The following TMEM144 variants were observed in gnomAD, a reference collection of about 807,000 sequenced individuals.
The protein encoded by TMEM144 is transmembrane protein 144.
Under a neutral mutation model 43.6 loss-of-function variants are expected in TMEM144, and 39 were observed. The ratio of observed to expected loss-of-function variants is 0.90; its 90% CI spans 0.69 to 1.17. TMEM144 has a LOEUF of 1.17. TMEM144 is among the 50% of genes most tolerant of loss of function. The probability of loss-of-function intolerance (pLI) is 0.00; values close to 1 mark genes in which losing one functional copy is unlikely to be tolerated. For missense variants in TMEM144, 417 were observed against 411.9 expected, an observed-to-expected ratio of 1.01 and a Z score of -0.11; for synonymous variants, 154 against 133.6, an observed-to-expected ratio of 1.15 and a Z score of -1.06.
At position 158,232,912 on chromosome 4, in the gene TMEM144, T is replaced by C; in HGVS notation, c.425T>C (p.Phe142Ser). The C allele has an allele frequency of 1.2e-6, 2 of 1,609,562 alleles. No individual in the cohort carries two copies. The highest frequency in any genetic ancestry group is 1.7e-6 in the Non-Finnish European group (2 of 1,177,796). ...TATTTTCCTTACAGTGCTTTCATAT[T>C]TTTGTTCATCAAAAGTGAAATACCA... ...AGLSVVSAFI[F>S]LFIKSEIPNN... Residue 142 changes from phenylalanine (F) to serine (S), a missense_variant, in exon 7 of 13, where the codon TTT becomes TCT. By Grantham distance (155) the Phe-to-Ser change is radical (BLOSUM62 -2). Coordinates refer to ENST00000296529, the MANE Select transcript of TMEM144 (RefSeq NM_018342.5).
chr4:158,230,260 G>A (rs1490283105), intron 6 of TMEM144, among the ~76,000 whole-genome samples: 2 of 151,916 alleles, frequency 1.3e-5, no homozygotes, highest in Non-Finnish European at 2.9e-5. Flanking sequence ...CTCTCAGGTG[G>A]GCCACTAGAC....
At chr4:158,223,357 G>C (rs532524443) in intron 6 of TMEM144, among the ~76,000 whole-genome samples, 164 of 152,334 alleles carry the variant, frequency 1.1e-3, no homozygotes, top group Non-Finnish European at 2.1e-3. Context: ...GTCTCAGGGA[G>C]TGATTTGTTG....
rs775512924 is a variant in TMEM144, at chr4:158,219,298, CT to C, written c.333-11del. ...ACAATATTTAATTTGATGTGACTTT[CT>C]GGATTTTCAGGTTTGGCTGGTTTGG... On this transcript the variant is annotated splice_polypyrimidine_tract_variant and intron_variant, in intron 5 of 12. Transcript: ENST00000296529. 26 of 1,613,552 alleles carry C rather than the reference CT, an allele frequency of 1.6e-5. No homozygotes were observed. The East Asian group carries it at 5.8e-4, about 36-fold the overall frequency.
At chr4:158,235,742 G>A in intron 8 of TMEM144, 1 of 373,524 alleles carries the variant, frequency 2.7e-6, no homozygotes, top group Non-Finnish European at 4.8e-6. Flanking sequence ...CAAATGATAA[G>A]TAGATAATAA....
chr4:158,233,892 A>G (rs1735208838), intron 7 of TMEM144: 1 of 152,272 alleles, frequency 6.6e-6, no homozygotes, highest in South Asian at 2.1e-4. Flanking sequence ...AATCAGGGAA[A>G]TGTTTCAGGG....
At position 158,212,715 on chromosome 4, in the gene TMEM144, T is replaced by G. The variant is rs1734018914; in HGVS notation, c.48T>G (p.Phe16Leu). 1 of 1,613,776 alleles carries G rather than the reference T, an allele frequency of 6.2e-7. No homozygotes were observed. The highest frequency in any genetic ancestry group is 1.3e-5 in the African/African-American group (1 of 74,928). Residue 16 changes from phenylalanine (F) to leucine (L), a missense_variant, in exon 3 of 13, where the codon TTT (phenylalanine) becomes TTG (leucine). Transcript: ENST00000296529. ...ADLTFGYISC[F>L]VAILLFGSNF... ...TAACCTTTGGTTACATCTCCTGTTT[T>G]GTAGCTATCCTTTTGTTTGGCTCAA...
At chr4:158,252,895 C>T (rs1231778740) in intron 12 of TMEM144, among the ~76,000 whole-genome samples, 1 of 152,114 alleles carries the variant, frequency 6.6e-6, no homozygotes, top group Admixed American at 6.6e-5. Flanking sequence ...CCTCATCTTG[C>T]TCCACTTAAC....
intron 12 of TMEM144, among the ~76,000 whole-genome samples, chr4:158,251,535 CT>C (rs549882901): frequency 4.1e-4 from 63 of 152,332 alleles, no homozygotes; most frequent in Non-Finnish European, 8.2e-4. Context: ...AGGCCATGGG[CT>C]GATAAGACCC....
At chr4:158,244,950 G>T (rs1482451727) in intron 12 of TMEM144, among the ~76,000 whole-genome samples, 1 of 152,078 alleles carries the variant, frequency 6.6e-6, no homozygotes, top group East Asian at 1.9e-4. Flanking sequence ...ATAACCCAGT[G>T]AAATATGAGA....
chr4:158,253,587 A>G lies in TMEM144; in HGVS notation c.*60A>G. The G allele has an allele frequency of 7.2e-7, 1 of 1,382,544 alleles. No individual in the cohort carries two copies. The highest frequency in any genetic ancestry group is 1.0e-6 in the Non-Finnish European group (1 of 976,320). The allele number at this position is 1,382,544 out of a possible 1,614,324, so 85.6% of individuals were successfully genotyped here. On this transcript the variant is annotated 3_prime_UTR_variant, in exon 13 of 13. Coordinates refer to ENST00000296529, the MANE Select transcript of TMEM144 (RefSeq NM_018342.5). ...AGAGAACGCGTCTATCGGACAGCGG[A>G]GAGATCATGCTGAGAAAAGAGTGCA...
intron 8 of TMEM144, among the ~76,000 whole-genome samples, chr4:158,235,934 G>C (rs1378714206): frequency 1.3e-5 from 2 of 152,142 alleles, no homozygotes; most frequent in African/African-American, 4.8e-5. Context: ...TATAATTCCA[G>C]ACATTCATTG....
chr4:158,213,812 C>T (rs565152687), intron 3 of TMEM144: 11 of 152,176 alleles, frequency 7.2e-5, no homozygotes, highest in Admixed American at 4.6e-4. Flanking sequence ...TATTTTCCTC[C>T]AGGGCCTTTC....
rs151272814 is a variant in TMEM144, at chr4:158,252,367, A to G, written c.955-1077A>G. On this transcript the variant is annotated intron_variant, in intron 12 of 12. Transcript: ENST00000296529. ...CAGATCCATCTCCATCTCTCCATCT[A>G]CCCATCATCATCTTTTCCCTGGGAG... Among the ~76,000 whole-genome samples, 851 of 152,072 alleles carry G rather than the reference A, an allele frequency of 5.6e-3. 11 individuals carry two copies. Among genetic ancestry groups the G allele is most frequent in the African/African-American group, 0.02 (816 of 41,466 alleles).
intron 8 of TMEM144, 66 bp from the exon 9 acceptor site, chr4:158,237,459 C>T (rs1735406274): frequency 2.4e-6 from 3 of 1,230,898 alleles, no homozygotes; most frequent in Non-Finnish European, 3.5e-6. Context: ...TTTATGATTC[C>T]ATTTGTGCGT....
chr4:158,212,643 C>A lies in TMEM144; in HGVS notation c.-25C>A. On this transcript the variant is annotated 5_prime_UTR_variant, in exon 3 of 13. Transcript: ENST00000296529. ...AAAGTACATCAAGTCTAAAGTGAAC[C>A]AGCTAACTCATTAAGACTGGAATCA... The A allele has an allele frequency of 3.3e-6, 5 of 1,536,060 alleles. No homozygotes were observed. The highest frequency in any genetic ancestry group is 3.6e-6 in the Non-Finnish European group (4 of 1,125,432).
intron 6 of TMEM144, among the ~76,000 whole-genome samples, chr4:158,222,065 T>C (rs145165056): frequency 6.1e-4 from 93 of 152,308 alleles, no homozygotes; most frequent in African/African-American, 2.2e-3. Flanking sequence ...TTATATGCTA[T>C]GACTATTCCT....
At chr4:158,245,852 CAGG>C (rs1046549866) in intron 12 of TMEM144, among the ~76,000 whole-genome samples, 10 of 151,984 alleles carry the variant, frequency 6.6e-5, no homozygotes, top group Non-Finnish European at 1.2e-4. Context: ...TCCTTGGGTT[CAGG>C]AGGTCAAGGC....
chr4:158,222,809 T>TAC (rs1490030894), intron 6 of TMEM144, among the ~76,000 whole-genome samples: 2 of 152,222 alleles, frequency 1.3e-5, no homozygotes, highest in Non-Finnish European at 2.9e-5. Flanking sequence ...GTGTGTGATG[T>TAC]ACGGGATTGC....
At chr4:158,215,600 CAT>C (rs1179175308) in intron 4 of TMEM144, among the ~76,000 whole-genome samples, 1 of 152,098 alleles carries the variant, frequency 6.6e-6, no homozygotes, top group East Asian at 1.9e-4. Context: ...AAGCATAGCT[CAT>C]ATATTATTTT....
Sources: gnomAD v4.1 joint callset for allele counts (sites outside exome capture counted in the v4.1 genomes callset) on GRCh38, gnomAD v4.1.1 for gene constraint, MANE v1.5 for transcripts, NCBI Gene and HGNC (gene_info 2026-07-23, HGNC 2026-07-21) for gene names.